The following NOS3 variants were observed in gnomAD, a reference collection of about 807,000 sequenced individuals.
NOS3 encodes NOS type III.
Under a neutral mutation model 144.9 loss-of-function variants are expected in NOS3, and 98 were observed. The observed-to-expected ratio is 0.68, with a 90% CI of 0.57 to 0.80. The LOEUF is 0.80. Ranked by LOEUF, NOS3 falls within the 30% of genes least tolerant of loss-of-function variation. NOS3 has a pLI of 0.00. For synonymous variants in NOS3, 714 were observed against 702.4 expected (o/e 1.02, Z -0.26); for missense variants, 1,465 against 1,656.4 (o/e 0.88, Z 2.01).
Position 150,993,939 on chromosome 7 carries a change from C to T in NOS3, c.136C>T (p.Leu46Phe). The change falls in exon 2 of 27, where the codon CTC (leucine) becomes TTC (phenylalanine). Residue 46 changes from leucine (L) to phenylalanine (F), a missense_variant. Coordinates refer to ENST00000297494, the MANE Select transcript of NOS3 (RefSeq NM_000603.5). This position sits in a 1 kb window ranked among gnomAD's most constrained non-coding sequence, Gnocchi z 4.0. The stretch of plus-strand genomic sequence containing the variant: ...GCCCAGCCGGGCCCCAGCATCCCTA[C>T]TCCCACCAGCGCCAGAACACAGGTA... ...PEPSRAPASL[L>F]PPAPEHSPPS... The T allele has an allele frequency of 6.4e-7, 1 of 1,571,118 alleles. No individual in the cohort carries two copies.
chr7:150,992,463 T>C (rs1328491271), intron 1 of NOS3, among the ~76,000 whole-genome samples: 1 of 152,030 alleles, frequency 6.6e-6, no homozygotes. Flanking sequence ...CCCTTCCATC[T>C]CCCTCCTCCT....
At chr7:151,006,688 T>C (rs1795210946) in intron 15 of NOS3, among the ~76,000 whole-genome samples, 194 bp downstream of exon 15, 1 of 152,234 alleles carries the variant, frequency 6.6e-6, no homozygotes, top group Non-Finnish European at 1.5e-5. Context: ...GGGACAGTCC[T>C]GAGGTCTTCA....
chr7:150,998,961 G>A lies in NOS3; in HGVS notation c.832G>A (p.Gly278Ser), dbSNP rs552501121. The A allele has an allele frequency of 1.2e-5, 20 of 1,612,458 alleles. No individual in the cohort carries two copies. The highest frequency in any genetic ancestry group is 2.7e-5 in the African/African-American group (2 of 74,992). ...VEITELCIQH[G>S]WTPGNGRFDV... ...CTCCCCACAGCTCTGCATTCAGCAC[G>A]GCTGGACCCCAGGAAACGGTCGCTT... is the stretch of plus-strand genomic sequence containing the variant. The change falls in exon 8 of 27, where the codon GGC becomes AGC. Residue 278 changes from glycine to serine, a missense_variant. Coordinates refer to ENST00000297494, the MANE Select transcript of NOS3 (RefSeq NM_000603.5). This position sits in a 1 kb window ranked among gnomAD's most constrained non-coding sequence, Gnocchi z 5.0.
rs1003822772 is a variant in NOS3, at chr7:150,998,261, G to C, written c.583-96G>C. 2.8e-6 allele frequency: 3 copies of C among 1,088,934 alleles called. No individual in the cohort carries two copies. The highest frequency in any genetic ancestry group is 3.1e-5 in the African/African-American group (2 of 64,658). 67.5% of individuals were successfully genotyped at this position (1,088,934 alleles called of 1,614,324 possible). A position where few individuals can be genotyped will look rare whatever the true frequency, so the allele number is the denominator to read the frequency against. Reference sequence around the variant, plus strand: ...GGAGGGCGCCATGGAGTGAACCATGGCCCCTGCCTCCTCACCAGCAGCTCC... The same window carrying C: ...GGAGGGCGCCATGGAGTGAACCATGCCCCCTGCCTCCTCACCAGCAGCTCC... On this transcript the variant is annotated intron_variant, in intron 5 of 26. Transcript: ENST00000297494. The surrounding 1 kb of genome is among the most constrained non-coding windows in gnomAD (Gnocchi z 5.0).
At position 151,014,000 on chromosome 7, in the gene NOS3, T is replaced by C. The variant is rs368678262; in HGVS notation, c.3451-8T>C. ...CGGGTTCTGATCCACTGTGCTCTTT[T>C]CCGACAGGATCAGCAACGCTACCAC... On this transcript the variant is annotated splice_polypyrimidine_tract_variant and splice_region_variant and intron_variant, in intron 26 of 26. Coordinates refer to ENST00000297494, the MANE Select transcript of NOS3 (RefSeq NM_000603.5). The C allele has an allele frequency of 4.3e-6, 7 of 1,611,584 alleles. No individual in the cohort carries two copies. In the African/African-American group the frequency reaches 9.3e-5, roughly 22 times the overall value.
rs748378723 is a variant in NOS3, at chr7:151,013,989, C to T, written c.3451-19C>T. On this transcript the variant is annotated intron_variant, in intron 26 of 26. Coordinates refer to ENST00000297494, the MANE Select transcript of NOS3 (RefSeq NM_000603.5). ...GGTCTCCGAGTCGGGTTCTGATCCACTGTGCTCTTTTCCGACAGGATCAGC... is the reference window on the plus strand; with the variant it reads ...GGTCTCCGAGTCGGGTTCTGATCCATTGTGCTCTTTTCCGACAGGATCAGC... 2.2e-5 allele frequency: 36 copies of T among 1,610,876 alleles called. No individual in the cohort carries two copies. Among genetic ancestry groups the T allele is most frequent in the Non-Finnish European group, 2.8e-5 (33 of 1,177,952 alleles).
At chr7:150,994,223 C>T (rs1050300662) in intron 2 of NOS3, among the ~76,000 whole-genome samples, 2 of 152,166 alleles carry the variant, frequency 1.3e-5, no homozygotes, top group Non-Finnish European at 1.5e-5. Context: ...CCGCCAGGAG[C>T]TGTTTGACTT....
At chr7:150,997,835 A>G in intron 5 of NOS3, among the ~76,000 whole-genome samples, 1 of 152,122 alleles carries the variant, frequency 6.6e-6, no homozygotes, top group Non-Finnish European at 1.5e-5. Context: ...TGTCACTGAC[A>G]CATGTTTCCT....
Position 151,008,973 on chromosome 7 carries a change from C to A in NOS3, c.2156C>A (p.Ala719Asp). The A allele has an allele frequency of 6.2e-7, 1 of 1,610,996 alleles. No individual in the cohort carries two copies. The highest frequency in any genetic ancestry group is 8.5e-7 in the Non-Finnish European group (1 of 1,179,268). The part of the protein sequence containing the change: ...TFCVGEDAKA[A>D]ARDIFSPKRS... ...TGTGTGGGAGAGGATGCCAAGGCCG[C>A]CGCCCGAGACATCTTCAGCCCCAAA... The change falls in exon 18 of 27, where the codon GCC becomes GAC. Residue 719 changes from alanine to aspartate, a missense_variant. Physicochemically the swap from Ala to Asp is moderately radical, Grantham distance 126. This residue lies in a region of NOS3 where 745 missense variants were observed against 853.9 expected (regional missense o/e 0.87). Transcript: ENST00000297494.
In NOS3 at chr7:151,014,093, C is replaced by T. The variant is rs778093610; in HGVS notation, c.3536C>T (p.Ser1179Phe). 6.2e-7 allele frequency: 1 copy of T among 1,613,842 alleles called. No individual in the cohort carries two copies. Among genetic ancestry groups the T allele is most frequent in the Non-Finnish European group, 8.5e-7 (1 of 1,179,902 alleles). The change falls in exon 27 of 27, where the codon TCC becomes TTC. Residue 1179 changes from serine (S) to phenylalanine (F), a missense_variant. By Grantham distance (155) the Ser-to-Phe change is radical (BLOSUM62 -2). Transcript: ENST00000297494. Reference sequence around the variant, plus strand: ...AGCCGCATACGCACCCAGAGCTTTTCCTTGCAGGAGCGTCAGTTGCGGGGC... The same window carrying T: ...AGCCGCATACGCACCCAGAGCTTTTTCTTGCAGGAGCGTCAGTTGCGGGGC... ...VTSRIRTQSF[S>F]LQERQLRGAV...
At chr7:151,005,443 C>A (rs1345784071) in intron 14 of NOS3, among the ~76,000 whole-genome samples, 1 of 152,148 alleles carries the variant, frequency 6.6e-6, no homozygotes, top group Non-Finnish European at 1.5e-5. Context: ...AGGAGGGCAA[C>A]CTGCACAATG....
At position 151,010,687 on chromosome 7, in the gene NOS3, C is replaced by G; in HGVS notation, c.2776C>G (p.Pro926Ala). The change falls in exon 22 of 27, where the codon CCA becomes GCA. Residue 926 changes from proline to alanine, a missense_variant. Pro to Ala is a conservative substitution (Grantham distance 27, BLOSUM62 -1). Transcript: ENST00000297494. ...EQFPSVALPA[P>A]LLLTQLPLLQ... ...GTTCCCGTCGGTGGCGCTGCCTGCC[C>G]CACTGCTCCTCACCCAGCTGCCTCT... is the stretch of plus-strand genomic sequence containing the variant. 6.2e-7 allele frequency: 1 copy of G among 1,610,354 alleles called. No homozygotes were observed. Among genetic ancestry groups the G allele is most frequent in the Non-Finnish European group, 8.5e-7 (1 of 1,178,704 alleles).
In NOS3 at chr7:151,008,926, G is replaced by A. The variant is rs148909379; in HGVS notation, c.2113-4G>A. On this transcript the variant is annotated splice_polypyrimidine_tract_variant and splice_region_variant and intron_variant, in intron 17 of 26. Coordinates refer to ENST00000297494, the MANE Select transcript of NOS3 (RefSeq NM_000603.5). ...TCCTCAGCCCTCACCGGCCTGTCCC[G>A]CAGGCCGCCTGTGAGACCTTCTGTG... 697 of 1,605,742 alleles carry A rather than the reference G, an allele frequency of 4.3e-4. No individual in the cohort carries two copies. The highest frequency in any genetic ancestry group is 5.4e-4 in the Non-Finnish European group (631 of 1,177,152).
At position 151,013,747 on chromosome 7, in the gene NOS3, G is replaced by A. The variant is rs1338954646; in HGVS notation, c.3279G>A (p.Arg1093=). The change falls in exon 26 of 27, where the codon AGG becomes AGA. Residue 1093 remains arginine, a synonymous_variant. Coordinates refer to ENST00000297494, the MANE Select transcript of NOS3 (RefSeq NM_000603.5). The part of the protein sequence containing the change: ...NPKTYVQDIL[R]TELAAEVHRV... ...AGACCTACGTGCAGGACATCCTGAGGACGGAGCTGGCTGCGGAGGTGCACC... is the reference window on the plus strand; with the variant it reads ...AGACCTACGTGCAGGACATCCTGAGAACGGAGCTGGCTGCGGAGGTGCACC... 2 of 1,610,198 alleles carry A rather than the reference G, an allele frequency of 1.2e-6. No homozygotes were observed. The highest frequency in any genetic ancestry group is 2.2e-5 in the East Asian group (1 of 44,690).
At chr7:150,996,591 C>T (rs747772299) in intron 4 of NOS3, 39 bp downstream of exon 4, 4 of 1,564,378 alleles carry the variant, frequency 2.6e-6, no homozygotes, top group South Asian at 2.3e-5. Flanking sequence ...CCTTGTCCCA[C>T]TGAGGCCCCA....
In NOS3 at chr7:151,002,896, C is replaced by T; in HGVS notation, c.1752+592C>T. Reference sequence around the variant, plus strand: ...CTAGCCTCAAGAGATCCTCCTGCCGCAGGCTCCTTTTTCAAAAGAAGAAAT... The same window carrying T: ...CTAGCCTCAAGAGATCCTCCTGCCGTAGGCTCCTTTTTCAAAAGAAGAAAT... On this transcript the variant is annotated intron_variant, in intron 14 of 26. Transcript: ENST00000297494. The surrounding 1 kb of genome is among the most constrained non-coding windows in gnomAD (Gnocchi z 4.1). 1 of 197,502 alleles carries T rather than the reference C, an allele frequency of 5.1e-6. No homozygotes were observed. Among genetic ancestry groups the T allele is most frequent in the Non-Finnish European group, 1.1e-5 (1 of 94,204 alleles). 12.2% of individuals were successfully genotyped at this position (197,502 alleles called of 1,614,324 possible). A position where few individuals can be genotyped will look rare whatever the true frequency, so the allele number is the denominator to read the frequency against.
At chr7:151,005,089 C>T (rs1393877240) in intron 14 of NOS3, among the ~76,000 whole-genome samples, 1 of 152,098 alleles carries the variant, frequency 6.6e-6, no homozygotes, top group Non-Finnish European at 1.5e-5. Flanking sequence ...AATCCCTGAC[C>T]TCAGCCTCCC....
At chr7:150,997,129 TA>T (rs777277452) in intron 5 of NOS3, among the ~76,000 whole-genome samples, 1 of 152,070 alleles carries the variant, frequency 6.6e-6, no homozygotes, top group East Asian at 1.9e-4. Flanking sequence ...AAGACCTGGT[TA>T]TCAGGCCCTA....
chr7:150,995,447 G>A, intron 3 of NOS3, 133 bp downstream of exon 3: 1 of 618,566 alleles, frequency 1.6e-6, no homozygotes, highest in East Asian at 2.9e-5. Context: ...GGAGAGGACT[G>A]GGAAGAACCA....
Sources: allele counts gnomAD v4.1 joint callset (sites outside exome capture counted in the v4.1 genomes callset), GRCh38; gene constraint gnomAD v4.1.1; regional missense constraint gnomAD v4.1.1; non-coding constraint Gnocchi (gnomAD v3.1); transcripts MANE v1.5; gene names NCBI Gene and HGNC (gene_info 2026-07-23, HGNC 2026-07-21).